PHKB: variants seen among roughly 807,000 people sequenced by gnomAD.
PHKB encodes the protein phosphorylase kinase regulatory subunit beta.
A neutral mutation model predicts 152.1 loss-of-function variants in PHKB; 122 were observed. The observed-to-expected ratio is 0.80, with a 90% CI of 0.69 to 0.93. PHKB has a LOEUF of 0.93. PHKB is among the 40% of genes least tolerant of loss of function. PHKB has a pLI of 0.00. For missense variants in PHKB, 1,304 were observed against 1,328.4 expected, an observed-to-expected ratio of 0.98 and a Z score of 0.29; for synonymous variants, 436 against 464.9, an observed-to-expected ratio of 0.94 and a Z score of 0.80.
At chr16:47,526,016 C>A (rs1370572398) in intron 6 of PHKB, among the ~76,000 whole-genome samples, 6 of 151,998 alleles carry the variant, frequency 3.9e-5, no homozygotes, top group Non-Finnish European at 7.4e-5. Context: ...ACATAATGGT[C>A]CAGTGTGAGA....
At chr16:47,654,235 A>C (rs1303485021) in intron 20 of PHKB, among the ~76,000 whole-genome samples, 1 of 152,256 alleles carries the variant, frequency 6.6e-6, no homozygotes, top group African/African-American at 2.4e-5. Flanking sequence ...AGAAATGCAC[A>C]TCAAAACCAC....
At chr16:47,615,571 C>T (rs1238759193) in intron 14 of PHKB, among the ~76,000 whole-genome samples, 1 of 152,112 alleles carries the variant, frequency 6.6e-6, no homozygotes, top group African/African-American at 2.4e-5. Flanking sequence ...TTTTCTATGC[C>T]TATTGGTTAT....
At chr16:47,471,753 G>C (rs1392040354) in intron 1 of PHKB, among the ~76,000 whole-genome samples, 1 of 152,174 alleles carries the variant, frequency 6.6e-6, no homozygotes, top group Admixed American at 6.5e-5. Context: ...TGAGTTTATT[G>C]AATCAGAGGT....
chr16:47,672,231 C>A (rs1000627659), intron 26 of PHKB, among the ~76,000 whole-genome samples: 1 of 152,084 alleles, frequency 6.6e-6, no homozygotes, highest in African/African-American at 2.4e-5. Flanking sequence ...TCACTCTTAT[C>A]CCTTAAAATA....
At chr16:47,534,237 GGGTACC>G (rs1970913439) in intron 6 of PHKB, among the ~76,000 whole-genome samples, 1 of 152,220 alleles carries the variant, frequency 6.6e-6, no homozygotes, top group South Asian at 2.1e-4. Flanking sequence ...TTTCTTACTA[GGGTACC>G]ACAGACAGGT....
chr16:47,523,283 G>A (rs1373156748), intron 6 of PHKB, among the ~76,000 whole-genome samples: 1 of 152,110 alleles, frequency 6.6e-6, no homozygotes, highest in Non-Finnish European at 1.5e-5. Flanking sequence ...TTCAAAGTGT[G>A]GTGGTGTTGA....
chr16:47,506,719 T>G (rs1294832016), intron 4 of PHKB, among the ~76,000 whole-genome samples: 1 of 152,206 alleles, frequency 6.6e-6, no homozygotes, highest in Non-Finnish European at 1.5e-5. Flanking sequence ...AAGGCAGGGG[T>G]TTCCAATCTT....
intron 1 of PHKB, among the ~76,000 whole-genome samples, chr16:47,494,921 T>G (rs1335484931): frequency 6.6e-6 from 1 of 152,204 alleles, no homozygotes; most frequent in Admixed American, 6.5e-5. Flanking sequence ...AACATCCTTG[T>G]TAATTGTGTA....
intron 1 of PHKB, among the ~76,000 whole-genome samples, chr16:47,470,720 C>T (rs1597009609): frequency 6.6e-6 from 1 of 152,320 alleles, no homozygotes; most frequent in East Asian, 1.9e-4. Flanking sequence ...TCTATAGTGC[C>T]TAGTACTCCA....
intron 20 of PHKB, among the ~76,000 whole-genome samples, chr16:47,658,809 AGTGTGTGTGTGTGTGTGT>A (rs36066227): frequency 1.4e-5 from 2 of 140,744 alleles, no homozygotes; most frequent in East Asian, 2.1e-4. Context: ...AATGCATGAC[AGTGTGTGTGTGTGTGTGT>A]GTGTGTGTGT....
chr16:47,583,209 CTT>C (rs1166248466), intron 8 of PHKB, among the ~76,000 whole-genome samples: 1 of 152,184 alleles, frequency 6.6e-6, no homozygotes, highest in East Asian at 1.9e-4. Context: ...CCTTTCGTCT[CTT>C]TTTTCTGATG....
intron 8 of PHKB, among the ~76,000 whole-genome samples, chr16:47,586,945 C>T (rs891365644): frequency 1.1e-4 from 16 of 151,024 alleles, no homozygotes; most frequent in African/African-American, 3.4e-4. Context: ...TGCATATATA[C>T]GTATATGGGG....
chr16:47,674,437 C>T (rs1052052724), intron 26 of PHKB, among the ~76,000 whole-genome samples: 15 of 152,058 alleles, frequency 9.9e-5, no homozygotes, highest in South Asian at 2.1e-4. Flanking sequence ...AATATTAAGA[C>T]GCTATGAAAA....
At chr16:47,637,260 C>G (rs572355923) in intron 14 of PHKB, among the ~76,000 whole-genome samples, 26 of 152,306 alleles carry the variant, frequency 1.7e-4, no homozygotes, top group African/African-American at 5.5e-4. Flanking sequence ...CTCCAGTTGT[C>G]TGTGTACCTC....
chr16:47,609,898 A>G (rs936305320), intron 13 of PHKB, among the ~76,000 whole-genome samples: 2 of 151,926 alleles, frequency 1.3e-5, no homozygotes, highest in African/African-American at 4.8e-5. Flanking sequence ...TTGTTTTTCT[A>G]TACTGTTTCA....
At chr16:47,538,634 G>A (rs1273783369) in intron 6 of PHKB, among the ~76,000 whole-genome samples, 1 of 152,202 alleles carries the variant, frequency 6.6e-6, no homozygotes, top group Admixed American at 6.5e-5. Flanking sequence ...CCAGCCATTC[G>A]TCCTTCATGA....
chr16:47,634,543 T>C (rs1407067179), intron 14 of PHKB, among the ~76,000 whole-genome samples: 1 of 152,142 alleles, frequency 6.6e-6, no homozygotes, highest in East Asian at 1.9e-4. Context: ...CAAAATAAGG[T>C]AAAGTGGTAG....
intron 1 of PHKB, among the ~76,000 whole-genome samples, chr16:47,464,836 G>A (rs929184290): frequency 6.6e-6 from 1 of 152,206 alleles, no homozygotes; most frequent in Non-Finnish European, 1.5e-5. Flanking sequence ...ACTCGGAGAA[G>A]CCTGCTGGTA....
chr16:47,465,841 T>C (rs1309605585), intron 1 of PHKB, among the ~76,000 whole-genome samples: 1 of 152,230 alleles, frequency 6.6e-6, no homozygotes, highest in Non-Finnish European at 1.5e-5. Flanking sequence ...ATTATCTTTA[T>C]AGGCATATGT....
Sources: gnomAD v4.1 joint callset for allele counts (sites outside exome capture counted in the v4.1 genomes callset) on GRCh38, gnomAD v4.1.1 for gene constraint, MANE v1.5 for transcripts, NCBI Gene and HGNC (gene_info 2026-07-23, HGNC 2026-07-21) for gene names.